Variants in TRIM71 observed in about 807,000 individuals in gnomAD.
TRIM71 encodes the protein tripartite motif containing 71.
TRIM71 carries 9 observed loss-of-function variants against 61.2 expected under a neutral mutation model. The ratio of observed to expected loss-of-function variants is 0.15; its 90% CI spans 0.09 to 0.26. The LOEUF is 0.26. Among genes scored for constraint, TRIM71 ranks in the 10% least tolerant of loss-of-function variants. The pLI, the probability that TRIM71 is intolerant of heterozygous loss-of-function variation, is 1.00. For missense variants in TRIM71, 998 were observed against 1,238.7 expected, an observed-to-expected ratio of 0.81 and a Z score of 2.92; for synonymous variants, 645 against 553.2, an observed-to-expected ratio of 1.17 and a Z score of -2.33.
chr3:32,844,942 A>G (rs983728462), intron 1 of TRIM71, among the ~76,000 whole-genome samples: 4 of 152,206 alleles, frequency 2.6e-5, no homozygotes, highest in Admixed American at 2.0e-4. Context: ...GGTAATGAAG[A>G]CTGAGTTTTT....
Position 32,891,982 on chromosome 3 carries a change from C to T in TRIM71, c.*171C>T. ...AAGAAAAGTACAACATTGCTTAAGTCCTACCTCATCTTTATTTTTTTACAG... is the reference window on the plus strand; with the variant it reads ...AAGAAAAGTACAACATTGCTTAAGTTCTACCTCATCTTTATTTTTTTACAG... On this transcript the variant is annotated 3_prime_UTR_variant, in exon 4 of 4. Coordinates refer to ENST00000383763, the MANE Select transcript of TRIM71 (RefSeq NM_001039111.3). This position sits in a 1 kb window ranked among gnomAD's most constrained non-coding sequence, Gnocchi z 8.2. 1.1e-6 allele frequency: 1 copy of T among 900,406 alleles called. No homozygotes were observed. The highest frequency in any genetic ancestry group is 2.0e-5 in the South Asian group (1 of 51,248). The allele number at this position is 900,406 out of a possible 1,614,324, so 55.8% of individuals were successfully genotyped here.
At chr3:32,886,949 G>A (rs1696968283) in intron 3 of TRIM71, among the ~76,000 whole-genome samples, 1 of 152,152 alleles carries the variant, frequency 6.6e-6, no homozygotes, top group Non-Finnish European at 1.5e-5. Context: ...TGGCTCAATT[G>A]CTTTCTGACA....
rs1697028320 is a variant in TRIM71 at position 32,891,797 on chromosome 3, A to G, written c.2593A>G (p.Ile865Val). Residue 865 changes from isoleucine (I) to valine (V), a missense_variant, in exon 4 of 4, where the codon ATC becomes GTC. Physicochemically the swap from Ile to Val is conservative, Grantham distance 29. Around this residue, in one of 5 missense-constraint regions of TRIM71, gnomAD observed 95 missense variants for 159.0 expected, o/e 0.60. Transcript: ENST00000383763. The surrounding 1 kb of genome is among the most constrained non-coding windows in gnomAD (Gnocchi z 8.2). ...IVVVDFGNNR[I>V]LVF ...TGTGGTGGACTTTGGCAACAATCGA[A>G]TCCTCGTCTTCTAATTGCATTTCCT... The G allele has an allele frequency of 1.2e-6, 2 of 1,613,380 alleles. No homozygotes were observed. Among genetic ancestry groups the G allele is most frequent in the Admixed American group, 3.3e-5 (2 of 59,956 alleles).
chr3:32,857,076 C>T (rs781449071), intron 1 of TRIM71, among the ~76,000 whole-genome samples: 54 of 152,330 alleles, frequency 3.5e-4, no homozygotes, highest in South Asian at 2.1e-4. Context: ...CCTCCTTCCA[C>T]GTGGCTGGAA....
intron 1 of TRIM71, among the ~76,000 whole-genome samples, chr3:32,869,705 C>T (rs1022292154): frequency 1.3e-5 from 2 of 152,204 alleles, no homozygotes; most frequent in African/African-American, 4.8e-5. Context: ...CGTTCCTTTC[C>T]TGCTGGGCTC....
intron 1 of TRIM71, among the ~76,000 whole-genome samples, chr3:32,835,889 C>T (rs1398244735): frequency 6.6e-6 from 1 of 152,164 alleles, no homozygotes; most frequent in African/African-American, 2.4e-5. Context: ...TTCAAGCAAC[C>T]ATTTACATAC....
chr3:32,823,511 G>A, intron 1 of TRIM71, among the ~76,000 whole-genome samples: 1 of 152,186 alleles, frequency 6.6e-6, no homozygotes, highest in East Asian at 1.9e-4. Flanking sequence ...TTTGATACAA[G>A]ATTTTTATTT....
At position 32,873,964 on chromosome 3, in the gene TRIM71, G is replaced by A. The variant is rs370541947; in HGVS notation, c.999G>A (p.Gln333=). 1.2e-6 allele frequency: 2 copies of A among 1,611,632 alleles called. No individual in the cohort carries two copies. Among genetic ancestry groups the A allele is most frequent in the Non-Finnish European group, 1.7e-6 (2 of 1,179,084 alleles). The change falls in exon 2 of 4, where the codon CAG becomes CAA. Residue 333 remains glutamine, a synonymous_variant. Transcript: ENST00000383763. ...ALTIQLLADA[Q]QGRQAIQLSI... ...CCATCCAGCTGCTGGCAGATGCCCAGCAGGGACGACAGGCAATCCAGGTGA... is the reference window on the plus strand; with the variant it reads ...CCATCCAGCTGCTGGCAGATGCCCAACAGGGACGACAGGCAATCCAGGTGA...
At chr3:32,853,096 G>C (rs1287200651) in intron 1 of TRIM71, among the ~76,000 whole-genome samples, 1 of 145,574 alleles carries the variant, frequency 6.9e-6, no homozygotes, top group Non-Finnish European at 1.5e-5. Flanking sequence ...ATGTATCTTG[G>C]AGATTATTTC....
Position 32,891,235 on chromosome 3 carries a change from C to A in TRIM71, c.2031C>A (p.Ile677=). 1 of 1,613,424 alleles carries A rather than the reference C, an allele frequency of 6.2e-7. No homozygotes were observed. ...TGGCTGACAAGGACAATCATCGCAT[C>A]CAGATCTTCACGTTCGAGGGCCAGT... ...IVVADKDNHR[I]QIFTFEGQFL... is the part of the protein sequence containing the mutation. The change falls in exon 4 of 4, where the codon ATC becomes ATA. Residue 677 remains isoleucine (I), a synonymous_variant. Transcript: ENST00000383763. This position sits in a 1 kb window ranked among gnomAD's most constrained non-coding sequence, Gnocchi z 8.2.
chr3:32,821,408 A>G (rs1282171556), intron 1 of TRIM71, among the ~76,000 whole-genome samples: 2 of 152,070 alleles, frequency 1.3e-5, no homozygotes, highest in African/African-American at 4.8e-5. Flanking sequence ...AAGGAGGCCC[A>G]AACACCCTAC....
At chr3:32,819,937 G>C (rs1458060665) in intron 1 of TRIM71, among the ~76,000 whole-genome samples, 1 of 152,232 alleles carries the variant, frequency 6.6e-6, no homozygotes, top group Non-Finnish European at 1.5e-5. Flanking sequence ...TTGGGCTGTC[G>C]AGTAAACATT....
At chr3:32,824,920 A>G (rs1369468180) in intron 1 of TRIM71, among the ~76,000 whole-genome samples, 13 of 151,992 alleles carry the variant, frequency 8.6e-5, no homozygotes, top group African/African-American at 3.1e-4. Flanking sequence ...TCAGCCTCCC[A>G]AGTAGCTGGG....
chr3:32,873,605 T>A (rs62251955), intron 1 of TRIM71, among the ~76,000 whole-genome samples: 2 of 152,124 alleles, frequency 1.3e-5, no homozygotes, highest in Non-Finnish European at 1.5e-5. Context: ...CCATTCCCCC[T>A]TAATTTGGGG....
rs1437187671 is a variant in TRIM71, at chr3:32,847,551, G to A, written c.853-26267G>A. 2.0e-5 allele frequency among the ~76,000 whole-genome samples: 3 copies of A among 152,268 alleles called. No individual in the cohort carries two copies. In the East Asian group the frequency reaches 5.8e-4, roughly 29 times the overall value. ...CCTCTGTGCCCTTGGCTCCATAATG[G>A]CTGTACTAACTTTAAGGTTGTGCAT... is the stretch of plus-strand genomic sequence containing the variant. On this transcript the variant is annotated intron_variant, in intron 1 of 3. Transcript: ENST00000383763.
chr3:32,868,007 A>G (rs1696757575), intron 1 of TRIM71, among the ~76,000 whole-genome samples: 1 of 152,090 alleles, frequency 6.6e-6, no homozygotes, highest in Non-Finnish European at 1.5e-5. Flanking sequence ...GCCCCGCTTA[A>G]TCTTATTTAA....
intron 1 of TRIM71, among the ~76,000 whole-genome samples, chr3:32,861,748 T>C (rs1004599325): frequency 1.3e-5 from 2 of 152,086 alleles, no homozygotes; most frequent in East Asian, 1.9e-4. Flanking sequence ...TGTGTCTGGC[T>C]TCTCTCTTTA....
intron 1 of TRIM71, among the ~76,000 whole-genome samples, chr3:32,836,419 T>C (rs1345887116): frequency 6.6e-6 from 1 of 152,252 alleles, no homozygotes; most frequent in Non-Finnish European, 1.5e-5. Context: ...AAATTCAATT[T>C]GTAGGCATTT....
chr3:32,836,389 G>A (rs991250747), intron 1 of TRIM71, among the ~76,000 whole-genome samples: 1 of 152,136 alleles, frequency 6.6e-6, no homozygotes, highest in African/African-American at 2.4e-5. Flanking sequence ...CTGTTCCTGG[G>A]CTGATATCTT....
Sources: allele counts gnomAD v4.1 joint callset (sites outside exome capture counted in the v4.1 genomes callset), GRCh38; gene constraint gnomAD v4.1.1; regional missense constraint gnomAD v4.1.1; non-coding constraint Gnocchi (gnomAD v3.1); transcripts MANE v1.5; gene names NCBI Gene and HGNC (gene_info 2026-07-23, HGNC 2026-07-21).